HVCN1: variants seen among roughly 807,000 people sequenced by gnomAD.
HVCN1 encodes voltage-gated hydrogen channel 1.
Under a neutral mutation model 29.2 loss-of-function variants are expected in HVCN1, and 14 were observed. The ratio of observed to expected loss-of-function variants is 0.48; its 90% CI spans 0.32 to 0.75. HVCN1 has a LOEUF of 0.75. HVCN1 is among the 30% of genes least tolerant of loss of function. The probability of loss-of-function intolerance (pLI) is 0.04; values close to 1 mark genes in which losing one functional copy is unlikely to be tolerated. For missense variants in HVCN1, 263 were observed against 341.8 expected, an observed-to-expected ratio of 0.77 and a Z score of 1.82; for synonymous variants, 131 against 133.2, an observed-to-expected ratio of 0.98 and a Z score of 0.11.
chr12:110,669,291 C>G (rs1384931168), intron 3 of HVCN1, among the ~76,000 whole-genome samples: 1 of 152,094 alleles, frequency 6.6e-6, no homozygotes, highest in Non-Finnish European at 1.5e-5. Context: ...GTCCCCTCTC[C>G]CTCACCAGAA....
At chr12:110,654,836 A>C (rs1262625122) in intron 5 of HVCN1, among the ~76,000 whole-genome samples, 3 of 152,124 alleles carry the variant, frequency 2.0e-5, no homozygotes, top group African/African-American at 4.8e-5. Context: ...GGGTATGTCC[A>C]CCACCCTTTG....
intron 2 of HVCN1, among the ~76,000 whole-genome samples, chr12:110,701,780 C>A (rs959180763): frequency 1.3e-5 from 2 of 151,324 alleles, no homozygotes; most frequent in Non-Finnish European, 2.9e-5. Flanking sequence ...TCACTGGAAC[C>A]TGGGAGGCGA....
At chr12:110,650,313 G>A in intron 6 of HVCN1, 33 bp from the exon 7 acceptor site, 1 of 1,365,592 alleles carries the variant, frequency 7.3e-7, no homozygotes, top group East Asian at 2.3e-5. Flanking sequence ...AGTGATACTG[G>A]TTTCTAACTT....
At chr12:110,683,536 C>T (rs77634420) in intron 2 of HVCN1, among the ~76,000 whole-genome samples, 2,614 of 152,250 alleles carry the variant, frequency 0.017, 34 homozygotes, top group Non-Finnish European at 0.025. Flanking sequence ...AAGGTGGAAA[C>T]GACCCGCTTG....
intron 3 of HVCN1, among the ~76,000 whole-genome samples, chr12:110,677,489 C>A (rs574803252): frequency 2.0e-5 from 3 of 152,166 alleles, no homozygotes; most frequent in Non-Finnish European, 4.4e-5. Context: ...CTCATGTGGC[C>A]CAGCTGTTCA....
At chr12:110,669,538 C>G (rs1223208089) in intron 3 of HVCN1, among the ~76,000 whole-genome samples, 1 of 151,748 alleles carries the variant, frequency 6.6e-6, no homozygotes, top group East Asian at 1.9e-4. Flanking sequence ...GGACCACGCT[C>G]TCTTGCTTCC....
intron 2 of HVCN1, among the ~76,000 whole-genome samples, chr12:110,697,755 A>AT (rs766523731): frequency 6.1e-4 from 92 of 150,090 alleles, no homozygotes; most frequent in Admixed American, 1.8e-3. Context: ...GGTTCAAGCG[A>AT]TTCTCCTGCC....
intron 3 of HVCN1, among the ~76,000 whole-genome samples, chr12:110,665,556 CAA>C (rs56307913): frequency 2.0e-4 from 22 of 111,180 alleles, no homozygotes; most frequent in Non-Finnish European, 2.0e-4. Flanking sequence ...AACTCCATCT[CAA>C]AAAAAAAAAA....
Position 110,651,374 on chromosome 12 carries a change from G to A in HVCN1, c.486C>T (p.Arg162=), listed in dbSNP as rs1432948763. 6.2e-7 allele frequency: 1 copy of A among 1,613,914 alleles called. No individual in the cohort carries two copies. The highest frequency in any genetic ancestry group is 1.6e-4 in the Middle Eastern group (1 of 6,062). The stretch of plus-strand genomic sequence containing the variant: ...CAAACTTGTGGTGAAAGAACTCCAG[G>A]CGGAAGACAAATAATTTAAAGATGA... The part of the protein sequence containing the change: ...MEIIFKLFVF[R]LEFFHHKFEI... The change falls in exon 6 of 8, where the codon CGC becomes CGT. Residue 162 remains arginine, a synonymous_variant. Coordinates refer to ENST00000242607, the MANE Select transcript of HVCN1 (RefSeq NM_032369.4).
At chr12:110,667,939 ACATT>A (rs920746494) in intron 3 of HVCN1, among the ~76,000 whole-genome samples, 2 of 152,152 alleles carry the variant, frequency 1.3e-5, no homozygotes, top group Non-Finnish European at 2.9e-5. Flanking sequence ...AGAGCAGAAA[ACATT>A]TCTGGTTTTC....
chr12:110,657,920 C>T (rs2068042335), intron 4 of HVCN1, among the ~76,000 whole-genome samples: 1 of 152,218 alleles, frequency 6.6e-6, no homozygotes, highest in Non-Finnish European at 1.5e-5. Flanking sequence ...CCCCATCTGC[C>T]TGGACCTTGG....
chr12:110,694,657 C>T (rs957957639), upstream of HVCN1, among the ~76,000 whole-genome samples: 1 of 152,182 alleles, frequency 6.6e-6, no homozygotes, highest in African/African-American at 2.4e-5. The surrounding 1 kb of genome is among the most constrained non-coding windows in gnomAD (Gnocchi z 4.6). Flanking sequence ...GGGGGTTCTG[C>T]TGGGATTTCT....
In HVCN1 at chr12:110,676,286, C is replaced by T. The variant is rs912652021; in HGVS notation, c.21+6939G>A. 6.6e-6 allele frequency among the ~76,000 whole-genome samples: 1 copy of T among 152,240 alleles called. No individual in the cohort carries two copies. The highest frequency in any genetic ancestry group is 1.5e-5 in the Non-Finnish European group (1 of 68,040). Reference sequence around the variant, plus strand: ...TGTCGCAGCTCCTCTCTGCTCTCTCCTTCCCTGCTGCATTCTCCATCAGCT... The same window carrying T: ...TGTCGCAGCTCCTCTCTGCTCTCTCTTTCCCTGCTGCATTCTCCATCAGCT... On this transcript the variant is annotated intron_variant, in intron 3 of 7. Transcript: ENST00000242607. This position sits in a 1 kb window ranked among gnomAD's most constrained non-coding sequence, Gnocchi z 4.1.
intron 5 of HVCN1, among the ~76,000 whole-genome samples, chr12:110,653,485 A>C (rs2067881768): frequency 6.6e-6 from 1 of 151,834 alleles, no homozygotes; most frequent in Admixed American, 6.6e-5. Context: ...TAAAAATTCC[A>C]AGGAGACATA....
chr12:110,672,910 T>G (rs991071609), intron 3 of HVCN1, among the ~76,000 whole-genome samples: 1 of 152,190 alleles, frequency 6.6e-6, no homozygotes, highest in African/African-American at 2.4e-5. Context: ...CAATTAAACC[T>G]CTTTTTCTTC....
chr12:110,658,759 A>G lies in HVCN1; in HGVS notation c.306+2405T>C, dbSNP rs1431066849. Among the ~76,000 whole-genome samples the G allele has an allele frequency of 6.6e-6, 1 of 152,122 alleles. No individual in the cohort carries two copies. The highest frequency in any genetic ancestry group is 2.4e-5 in the African/African-American group (1 of 41,406). Reference sequence around the variant, plus strand: ...ATTCCTGCCTTTCTGCAGCCTGCCAAATCCTCAATGAGGGCAAAGATGTGT... The same window carrying G: ...ATTCCTGCCTTTCTGCAGCCTGCCAGATCCTCAATGAGGGCAAAGATGTGT... On this transcript the variant is annotated intron_variant, in intron 4 of 7. Coordinates refer to ENST00000242607, the MANE Select transcript of HVCN1 (RefSeq NM_032369.4). The surrounding 1 kb of genome is among the most constrained non-coding windows in gnomAD (Gnocchi z 5.0).
intron 3 of HVCN1, among the ~76,000 whole-genome samples, chr12:110,675,751 C>A (rs949780871): frequency 6.6e-6 from 1 of 151,486 alleles, no homozygotes; most frequent in African/African-American, 2.4e-5. Flanking sequence ...ACTAAAAATA[C>A]AAAAATTAGC....
Position 110,650,172 on chromosome 12 carries a change from T to C in HVCN1, c.752A>G (p.Glu251Gly). The C allele has an allele frequency of 6.2e-7, 1 of 1,605,248 alleles. No individual in the cohort carries two copies. Among genetic ancestry groups the C allele is most frequent in the Non-Finnish European group, 8.5e-7 (1 of 1,172,020 alleles). ...CAGATGTGTCGTCTTTCTTACCTTCTCAGAGCAGCTGAACTCAAGGTGTTG... is the reference window on the plus strand; with the variant it reads ...CAGATGTGTCGTCTTTCTTACCTTCCCAGAGCAGCTGAACTCAAGGTGTTG... ...KIQHLEFSCS[E>G]KEQEIERLNK... Residue 251 changes from glutamate to glycine, a missense_variant, in exon 7 of 8, where the codon GAG becomes GGG. Transcript: ENST00000242607.
chr12:110,696,841 A>T (rs1175238904), intron 2 of HVCN1, among the ~76,000 whole-genome samples: 1 of 152,196 alleles, frequency 6.6e-6, no homozygotes, highest in Non-Finnish European at 1.5e-5. Flanking sequence ...TGGTTTGATT[A>T]AAAAAGATAA....
Sources: allele counts gnomAD v4.1 joint callset (sites outside exome capture counted in the v4.1 genomes callset), GRCh38; gene constraint gnomAD v4.1.1; non-coding constraint Gnocchi (gnomAD v3.1); transcripts MANE v1.5; gene names NCBI Gene and HGNC (gene_info 2026-07-23, HGNC 2026-07-21).